TRIM2: variants seen among roughly 807,000 people sequenced by gnomAD.
TRIM2 encodes the protein tripartite motif containing 2.
A neutral mutation model predicts 75.2 loss-of-function variants in TRIM2; 20 were observed. The ratio of observed to expected loss-of-function variants is 0.27; its 90% CI spans 0.19 to 0.39. The LOEUF (loss-of-function observed/expected upper bound fraction) is 0.39. Ranked by LOEUF, TRIM2 falls within the 10% of genes least tolerant of loss-of-function variation. The pLI is 1.00. For synonymous variants in TRIM2, 373 were observed against 388.3 expected (o/e 0.96, Z 0.46); for missense variants, 660 against 990.8 (o/e 0.67, Z 4.48).
intron 1 of TRIM2, among the ~76,000 whole-genome samples, chr4:153,239,670 C>G (rs1178323400): frequency 6.6e-6 from 1 of 152,088 alleles, no homozygotes; most frequent in African/African-American, 2.4e-5. Flanking sequence ...TCTTCTCGTT[C>G]TGTCTTCTTC....
chr4:153,330,987 G>A (rs2149592012), intron 11 of TRIM2, among the ~76,000 whole-genome samples: 1 of 152,268 alleles, frequency 6.6e-6, no homozygotes, highest in East Asian at 1.9e-4. Flanking sequence ...TCCTAGAATA[G>A]GTGAGTTCAG....
At chr4:153,268,021 T>C (rs536694288) in intron 1 of TRIM2, among the ~76,000 whole-genome samples, 1 of 152,288 alleles carries the variant, frequency 6.6e-6, no homozygotes, top group East Asian at 1.9e-4. Context: ...TAGGGAGTGC[T>C]GACTGGTCAG....
At chr4:153,233,610 T>C (rs907029905) in intron 1 of TRIM2, among the ~76,000 whole-genome samples, 3 of 151,944 alleles carry the variant, frequency 2.0e-5, no homozygotes, top group African/African-American at 7.3e-5. Flanking sequence ...AAGAAACCCA[T>C]GGGAAAGGAG....
At position 153,177,428 on chromosome 4, in the gene TRIM2, G is replaced by A. The variant is rs575091850; in HGVS notation, c.-49+24158G>A. Among the ~76,000 whole-genome samples the A allele has an allele frequency of 9.7e-4, 147 of 152,234 alleles. 1 individual carries two copies. The highest frequency in any genetic ancestry group is 3.3e-3 in the African/African-American group (139 of 41,560). ...CCCAGCACTCTGGGAGGCCAAGGTG[G>A]GTGGATCAGGAGTTTGAGACCAGCC... is the stretch of plus-strand genomic sequence containing the variant. On this transcript the variant is annotated intron_variant, in intron 1 of 11. Coordinates refer to the TRIM2 transcript ENST00000437508.
intron 1 of TRIM2, among the ~76,000 whole-genome samples, chr4:153,168,372 G>A (rs747692769): frequency 7.9e-5 from 12 of 152,046 alleles, no homozygotes; most frequent in Admixed American, 3.3e-4. Flanking sequence ...CTAGGAAACC[G>A]TCTTGCATGA....
intron 1 of TRIM2, among the ~76,000 whole-genome samples, chr4:153,238,718 G>A (rs898808841): frequency 5.9e-5 from 9 of 152,166 alleles, no homozygotes; most frequent in East Asian, 1.9e-4. Context: ...AGCTCCAGTC[G>A]CATGCACTAG....
chr4:153,160,957 G>T (rs1384028909), intron 1 of TRIM2, among the ~76,000 whole-genome samples: 1 of 152,046 alleles, frequency 6.6e-6, no homozygotes, highest in Admixed American at 6.6e-5. Context: ...CTAGCTCTCT[G>T]GCTCACAAAC....
intron 1 of TRIM2, among the ~76,000 whole-genome samples, chr4:153,265,354 T>A (rs941691289): frequency 3.3e-5 from 5 of 151,880 alleles, no homozygotes; most frequent in Non-Finnish European, 5.9e-5. Flanking sequence ...TTTTGTTATT[T>A]TTTTTTTTAA....
intron 1 of TRIM2, among the ~76,000 whole-genome samples, chr4:153,171,062 G>A (rs1314118462): frequency 6.6e-6 from 1 of 152,206 alleles, no homozygotes; most frequent in African/African-American, 2.4e-5. Context: ...TTTTAGTAAG[G>A]ATGGGTTGCT....
At chr4:153,294,617 G>A in intron 5 of TRIM2, 132 bp downstream of exon 5, 1 of 940,714 alleles carries the variant, frequency 1.1e-6, no homozygotes, top group Non-Finnish European at 1.5e-6. Flanking sequence ...TTCACTGAAT[G>A]TAATATCCAG....
intron 1 of TRIM2, among the ~76,000 whole-genome samples, chr4:153,196,537 T>C (rs1329182752): frequency 6.6e-6 from 1 of 152,206 alleles, no homozygotes; most frequent in Non-Finnish European, 1.5e-5. Context: ...GAGGATTCAA[T>C]GAATCCATAC....
At chr4:153,242,621 C>G (rs1469689257) in intron 1 of TRIM2, among the ~76,000 whole-genome samples, 1 of 152,186 alleles carries the variant, frequency 6.6e-6, no homozygotes, top group African/African-American at 2.4e-5. Flanking sequence ...CTTAGCAAGA[C>G]CTTTGCTTGT....
chr4:153,194,120 G>T (rs1733521264), intron 1 of TRIM2, among the ~76,000 whole-genome samples: 2 of 152,154 alleles, frequency 1.3e-5, no homozygotes, highest in Admixed American at 6.6e-5. Flanking sequence ...AAGCAAGTGT[G>T]GGCATGAGCC....
In TRIM2 at chr4:153,334,910, G is replaced by A; in HGVS notation, c.2260G>A (p.Val754Ile). Residue 754 changes from valine (V) to isoleucine (I), a missense_variant, in exon 12 of 12, where the codon GTT becomes ATT. Transcript: ENST00000338700. ...QGLALTSDGH[V>I]VVADSGNHCF... ...CCTGGCCCTAACTTCAGATGGTCAT[G>A]TTGTGGTTGCAGACTCTGGAAATCA... is the stretch of plus-strand genomic sequence containing the variant. 2 of 1,614,030 alleles carry A rather than the reference G, an allele frequency of 1.2e-6. No individual in the cohort carries two copies. Among genetic ancestry groups the A allele is most frequent in the Non-Finnish European group, 1.7e-6 (2 of 1,179,942 alleles).
intron 9 of TRIM2, 57 bp from the exon 10 acceptor site, chr4:153,324,021 C>A: frequency 7.4e-7 from 1 of 1,342,884 alleles, no homozygotes; most frequent in Non-Finnish European, 1.1e-6. Flanking sequence ...ACAGTAACTG[C>A]TATATGTAAT....
chr4:153,295,334 A>T lies in TRIM2; in HGVS notation c.808A>T (p.Thr270Ser), dbSNP rs1166725408. 6.2e-7 allele frequency: 1 copy of T among 1,607,192 alleles called. No homozygotes were observed. Among genetic ancestry groups the T allele is most frequent in the Non-Finnish European group, 8.5e-7 (1 of 1,176,532 alleles). ...KHKVLQSQLD[T>S]LLQGQESIKS... Reference sequence around the variant, plus strand: ...GCAGGTCCTCCAGTCGCAGCTGGATACTCTGCTCCAGGGGCAGGAGAGCAT... The same window carrying T: ...GCAGGTCCTCCAGTCGCAGCTGGATTCTCTGCTCCAGGGGCAGGAGAGCAT... Residue 270 changes from threonine (T) to serine (S), a missense_variant, in exon 6 of 12, where the codon ACT becomes TCT. Thr to Ser is a moderately conservative substitution (Grantham distance 58). Around this residue, in one of 2 missense-constraint regions of TRIM2, gnomAD observed 620 missense variants for 891.0 expected, o/e 0.70. Coordinates refer to ENST00000338700, the MANE Select transcript of TRIM2 (RefSeq NM_015271.5). The surrounding 1 kb of genome is among the most constrained non-coding windows in gnomAD (Gnocchi z 7.2).
intron 1 of TRIM2, among the ~76,000 whole-genome samples, chr4:153,178,618 G>A (rs1731722521): frequency 6.6e-6 from 1 of 152,156 alleles, no homozygotes; most frequent in Admixed American, 6.5e-5. Flanking sequence ...TTGGCTTTAA[G>A]GCAGGGGATA....
intron 1 of TRIM2, among the ~76,000 whole-genome samples, chr4:153,262,175 GACA>G (rs1753747159): frequency 1.3e-5 from 2 of 152,180 alleles, no homozygotes; most frequent in African/African-American, 4.8e-5. Flanking sequence ...GATTTACCAA[GACA>G]ACAGTATTGC....
chr4:153,303,316 T>C (rs919331548), intron 6 of TRIM2, among the ~76,000 whole-genome samples: 1 of 146,858 alleles, frequency 6.8e-6, no homozygotes, highest in Non-Finnish European at 1.5e-5. Context: ...AAAAAAAATA[T>C]ATAAAAATCA....
Sources: gnomAD v4.1 joint callset for allele counts (sites outside exome capture counted in the v4.1 genomes callset) on GRCh38, gnomAD v4.1.1 for gene constraint, gnomAD v4.1.1 regional missense constraint, Gnocchi (gnomAD v3.1) non-coding constraint, MANE v1.5 for transcripts, NCBI Gene and HGNC (gene_info 2026-07-23, HGNC 2026-07-21) for gene names.